EPHA6: variants seen among roughly 807,000 people sequenced by gnomAD.
EPHA6 encodes EPH receptor A6, also known as ephrin type-A receptor 6.
EPHA6 carries 50 observed loss-of-function variants against 112.0 expected under a neutral mutation model. The ratio of observed to expected loss-of-function variants is 0.45; its 90% confidence interval spans 0.36 to 0.56. The LOEUF is 0.56. Among genes scored for constraint, EPHA6 ranks in the 20% least tolerant of loss-of-function variants. The probability of loss-of-function intolerance (pLI) is 0.00; values close to 1 mark genes in which losing one functional copy is unlikely to be tolerated. For missense variants in EPHA6, 1,280 were observed against 1,417.4 expected (o/e 0.90, Z 1.56); for synonymous variants, 529 against 490.7 (o/e 1.08, Z -1.03).
intron 7 of EPHA6, among the ~76,000 whole-genome samples, chr3:97,451,734 C>T (rs1036551873): frequency 6.6e-6 from 1 of 151,808 alleles, no homozygotes; most frequent in African/African-American, 2.4e-5. Context: ...TGATGTGAAT[C>T]CCAATTGACG....
At chr3:97,426,699 C>A (rs1290234481) in intron 6 of EPHA6, among the ~76,000 whole-genome samples, 1 of 152,054 alleles carries the variant, frequency 6.6e-6, no homozygotes, top group Non-Finnish European at 1.5e-5. Flanking sequence ...TCAAGTGGAA[C>A]ATGATTAAAC....
At chr3:97,569,758 A>ATTT (rs1183918494) in intron 11 of EPHA6, among the ~76,000 whole-genome samples, 2 of 152,232 alleles carry the variant, frequency 1.3e-5, no homozygotes, top group Non-Finnish European at 2.9e-5. Flanking sequence ...TCTGAGCTTA[A>ATTT]ATTATGAACA....
chr3:97,451,855 C>T (rs897747193), intron 7 of EPHA6, among the ~76,000 whole-genome samples: 3 of 151,806 alleles, frequency 2.0e-5, no homozygotes, highest in Non-Finnish European at 4.4e-5. Flanking sequence ...ATTAAGTTCT[C>T]TCTTGTGTAT....
chr3:96,948,114 T>A (rs2041364428), intron 2 of EPHA6, among the ~76,000 whole-genome samples: 1 of 152,236 alleles, frequency 6.6e-6, no homozygotes, highest in South Asian at 2.1e-4. Context: ...TTTCCCCAAC[T>A]ATTTTTAAAT....
At chr3:97,209,368 G>A (rs1285453483) in intron 3 of EPHA6, among the ~76,000 whole-genome samples, 1 of 151,966 alleles carries the variant, frequency 6.6e-6, no homozygotes. Flanking sequence ...TTCAGCATAA[G>A]AATCAGAGAC....
intron 3 of EPHA6, among the ~76,000 whole-genome samples, chr3:97,179,396 A>C (rs1559777721): frequency 2.0e-5 from 3 of 152,116 alleles, no homozygotes; most frequent in Admixed American, 1.3e-4. Flanking sequence ...TGATGAGGTC[A>C]TGGTTTCCTG....
chr3:96,830,848 G>T (rs2034024190), intron 1 of EPHA6, among the ~76,000 whole-genome samples: 1 of 152,008 alleles, frequency 6.6e-6, no homozygotes. Context: ...CAAGAGATCT[G>T]CTGTACAGCA....
chr3:97,236,850 T>C (rs2078693624), intron 4 of EPHA6, among the ~76,000 whole-genome samples: 1 of 152,080 alleles, frequency 6.6e-6, no homozygotes, highest in Non-Finnish European at 1.5e-5. Context: ...GTGGTTGAGA[T>C]GTAGTTGGAG....
chr3:96,977,031 C>A lies in EPHA6; in HGVS notation c.451-10299C>A, dbSNP rs572488766. Among the ~76,000 whole-genome samples the A allele has an allele frequency of 5.3e-5, 8 of 152,202 alleles. No individual in the cohort carries two copies. The South Asian group carries it at 1.2e-3, about 24-fold the overall frequency. On this transcript the variant is annotated intron_variant, in intron 2 of 17. Transcript: ENST00000389672. ...AAGTCTGTCAGGGTGTGAGATAGAG[C>A]TAGAGTCAGGTAAGGGCAAAGAAGT... is the stretch of plus-strand genomic sequence containing the variant.
At chr3:96,973,755 G>C (rs185426030) in intron 2 of EPHA6, among the ~76,000 whole-genome samples, 12 of 149,298 alleles carry the variant, frequency 8.0e-5, no homozygotes, top group African/African-American at 2.9e-4. Flanking sequence ...GAACCCGGGC[G>C]TGGGGGCTGC....
intron 1 of EPHA6, among the ~76,000 whole-genome samples, chr3:96,815,471 A>ACT (rs5851046): frequency 0.27 from 40,397 of 151,818 alleles, 9,284 homozygotes; most frequent in African/African-American, 0.6. Flanking sequence ...CCCTCCGGTG[A>ACT]CTGCCGCCCT....
At chr3:96,945,045 A>T (rs1389129800) in intron 2 of EPHA6, among the ~76,000 whole-genome samples, 4 of 152,300 alleles carry the variant, frequency 2.6e-5, no homozygotes, top group South Asian at 2.1e-4. Flanking sequence ...CATTTCAGTT[A>T]TTCTAAATAA....
intron 3 of EPHA6, chr3:97,009,859 C>G: frequency 5.2e-6 from 2 of 387,694 alleles, no homozygotes; most frequent in South Asian, 3.9e-5. Context: ...CCTTGTGGCT[C>G]TCAGGTAGGC....
chr3:97,613,859 T>G (rs1385388919), intron 13 of EPHA6, among the ~76,000 whole-genome samples: 1 of 152,188 alleles, frequency 6.6e-6, no homozygotes, highest in Non-Finnish European at 1.5e-5. Context: ...TAATGTATTT[T>G]CTCTAATTTC....
intron 3 of EPHA6, among the ~76,000 whole-genome samples, chr3:97,154,195 T>C (rs931033353): frequency 6.6e-6 from 1 of 151,972 alleles, no homozygotes; most frequent in East Asian, 1.9e-4. Flanking sequence ...CAGTCTTTGA[T>C]GGAAACTATT....
At chr3:97,221,663 A>G in intron 3 of EPHA6, among the ~76,000 whole-genome samples, 1 of 152,212 alleles carries the variant, frequency 6.6e-6, no homozygotes, top group East Asian at 1.9e-4. Flanking sequence ...GATACACAGA[A>G]TACTTGTGCA....
intron 2 of EPHA6, among the ~76,000 whole-genome samples, chr3:96,984,759 T>C (rs953120439): frequency 3.3e-5 from 5 of 152,054 alleles, no homozygotes; most frequent in Non-Finnish European, 5.9e-5. Context: ...ATGGTGGGCG[T>C]CCCTCCCCCA....
At chr3:97,094,575 T>C (rs1402660544) in intron 3 of EPHA6, among the ~76,000 whole-genome samples, 1 of 152,146 alleles carries the variant, frequency 6.6e-6, no homozygotes, top group Non-Finnish European at 1.5e-5. Context: ...TTATCTTGAG[T>C]TATTAACATT....
intron 3 of EPHA6, among the ~76,000 whole-genome samples, chr3:97,054,282 A>G (rs188669958): frequency 6.6e-6 from 1 of 152,278 alleles, no homozygotes; most frequent in East Asian, 1.9e-4. Context: ...ATGATTTAGT[A>G]CATGAATGGC....
Sources: allele counts gnomAD v4.1 joint callset (sites outside exome capture counted in the v4.1 genomes callset), GRCh38; gene constraint gnomAD v4.1.1; transcripts MANE v1.5; gene names NCBI Gene and HGNC (gene_info 2026-07-23, HGNC 2026-07-21).